The following TRMT11 variants were observed in gnomAD, a reference collection of about 807,000 sequenced individuals.
TRMT11 encodes tRNA (guanine(10)-N(2))-methyltransferase TRMT11.
Under a neutral mutation model 62.8 loss-of-function variants are expected in TRMT11, and 53 were observed. The ratio of observed to expected loss-of-function variants is 0.84; its 90% CI spans 0.68 to 1.06. The LOEUF (loss-of-function observed/expected upper bound fraction) is 1.06, where lower values mean the gene tolerates loss of function less well. Among genes scored for constraint, TRMT11 ranks in the 50% least tolerant of loss-of-function variants. The pLI, the probability that TRMT11 is intolerant of heterozygous loss-of-function variation, is 0.00. For missense variants in TRMT11, 556 were observed against 553.4 expected, an observed-to-expected ratio of 1.00 and a Z score of -0.05; for synonymous variants, 188 against 190.3, an observed-to-expected ratio of 0.99 and a Z score of 0.10.
intron 17 of TRMT11, among the ~76,000 whole-genome samples, chr6:126,054,163 T>C (rs1776301283): frequency 6.6e-6 from 1 of 152,176 alleles, no homozygotes; most frequent in Non-Finnish European, 1.5e-5. Context: ...AAGTTTTAAT[T>C]TCTTTCAAAA....
chr6:126,246,409 A>T, the TRMT11 span, among the ~76,000 whole-genome samples: 47 of 152,328 alleles, frequency 3.1e-4, no homozygotes, highest in African/African-American at 1.1e-3. Flanking sequence ...ATTACTGAGG[A>T]TCTACCATTT....
intron 17 of TRMT11, among the ~76,000 whole-genome samples, chr6:126,058,687 T>G (rs900214673): frequency 1.3e-5 from 2 of 152,018 alleles, no homozygotes; most frequent in African/African-American, 4.8e-5. Flanking sequence ...GCCAGACTAA[T>G]AAGAAGAAAA....
intron 21 of TRMT11, among the ~76,000 whole-genome samples, chr6:126,122,835 A>T (rs951435595): frequency 6.6e-6 from 1 of 152,124 alleles, no homozygotes; most frequent in Non-Finnish European, 1.5e-5. Flanking sequence ...TCTGCTTCAT[A>T]TCAGTGATTT....
intron 17 of TRMT11, among the ~76,000 whole-genome samples, chr6:126,059,386 A>T (rs1214662869): frequency 5.9e-5 from 9 of 152,082 alleles, no homozygotes; most frequent in African/African-American, 2.2e-4. Flanking sequence ...TACTCTCCTG[A>T]TATACTTTGG....
intron 17 of TRMT11, among the ~76,000 whole-genome samples, chr6:126,064,550 A>G (rs557729323): frequency 1.3e-5 from 2 of 152,202 alleles, no homozygotes; most frequent in East Asian, 1.9e-4. Context: ...GGAAAAAATT[A>G]ATTTGCCTCC....
intron 8 of TRMT11, among the ~76,000 whole-genome samples, chr6:126,010,419 T>C (rs921054625): frequency 1.3e-5 from 2 of 152,070 alleles, no homozygotes; most frequent in Non-Finnish European, 2.9e-5. Flanking sequence ...ACACTGCATG[T>C]TTTTCAGAGT....
chr6:126,190,163 G>C (rs1037186744), intron 1 of TRMT11, among the ~76,000 whole-genome samples: 2 of 151,988 alleles, frequency 1.3e-5, no homozygotes, highest in Non-Finnish European at 2.9e-5. Flanking sequence ...TTCTAACTGC[G>C]TTTTTGTACC....
intron 11 of TRMT11, among the ~76,000 whole-genome samples, chr6:126,014,688 T>G (rs1419533695): frequency 5.9e-5 from 9 of 152,360 alleles, no homozygotes; most frequent in South Asian, 2.1e-4. Context: ...TACCATGGCC[T>G]AACTCTAGTT....
At chr6:126,136,007 A>C (rs912265545) in intron 21 of TRMT11, among the ~76,000 whole-genome samples, 1 of 151,818 alleles carries the variant, frequency 6.6e-6, no homozygotes, top group Non-Finnish European at 1.5e-5. Context: ...AAGGCCATAT[A>C]TTACAAGCTC....
chr6:126,245,810 G>A, the TRMT11 span, among the ~76,000 whole-genome samples: 382 of 152,196 alleles, frequency 2.5e-3, 7 homozygotes, highest in African/African-American at 8.4e-3. Context: ...CCAAAAAACC[G>A]TTATAGGCTG....
At chr6:126,204,582 TATGTATGTG>T (rs1778772235), downstream of TRMT11, among the ~76,000 whole-genome samples, 1 of 152,236 alleles carries the variant, frequency 6.6e-6, no homozygotes, top group Non-Finnish European at 1.5e-5. Context: ...TCTGTACTTA[TATGTATGTG>T]TTCCCCTCTA....
At chr6:126,139,129 GA>G (rs1363003692) in intron 21 of TRMT11, among the ~76,000 whole-genome samples, 2 of 151,868 alleles carry the variant, frequency 1.3e-5, no homozygotes, top group Non-Finnish European at 2.9e-5. Flanking sequence ...GAAATAATAT[GA>G]AGTTATCCAA....
At chr6:126,242,321 G>T in the TRMT11 span, among the ~76,000 whole-genome samples, 6 of 152,198 alleles carry the variant, frequency 3.9e-5, no homozygotes, top group African/African-American at 1.4e-4. Context: ...CATGCTCATG[G>T]ATAGGAAGAA....
chr6:126,229,310 A>T, the TRMT11 span, among the ~76,000 whole-genome samples: 1 of 152,206 alleles, frequency 6.6e-6, no homozygotes, highest in Non-Finnish European at 1.5e-5. Context: ...CCAGGGGGAA[A>T]CATTTCCAAA....
intron 17 of TRMT11, among the ~76,000 whole-genome samples, chr6:126,099,325 G>A (rs1470398069): frequency 1.3e-5 from 2 of 152,084 alleles, no homozygotes; most frequent in African/African-American, 4.8e-5. Context: ...TCTGGGTAAT[G>A]GTTTTGCTCT....
chr6:126,011,815 A>G (rs1177976762), intron 9 of TRMT11, among the ~76,000 whole-genome samples: 1 of 152,224 alleles, frequency 6.6e-6, no homozygotes, highest in African/African-American at 2.4e-5. Flanking sequence ...AGTTTCAGAT[A>G]TCACACATTT....
At chr6:126,226,070 A>G in the TRMT11 span, among the ~76,000 whole-genome samples, 1 of 152,208 alleles carries the variant, frequency 6.6e-6, no homozygotes, top group Non-Finnish European at 1.5e-5. Flanking sequence ...TGAGAACATA[A>G]TGAGTAGTTA....
At chr6:126,120,886 C>T (rs796223387) in intron 21 of TRMT11, among the ~76,000 whole-genome samples, 1 of 152,100 alleles carries the variant, frequency 6.6e-6, no homozygotes, top group Non-Finnish European at 1.5e-5. Flanking sequence ...AAACTTCTTC[C>T]CTAAGTTTGG....
chr6:126,213,532 T>G, the TRMT11 span, among the ~76,000 whole-genome samples: 1 of 152,128 alleles, frequency 6.6e-6, no homozygotes, highest in Non-Finnish European at 1.5e-5. Context: ...ACATTCTTGA[T>G]TTATTTTTCA....
Sources: allele counts gnomAD v4.1 joint callset (sites outside exome capture counted in the v4.1 genomes callset), GRCh38; gene constraint gnomAD v4.1.1; transcripts MANE v1.5; gene names NCBI Gene and HGNC (gene_info 2026-07-23, HGNC 2026-07-21).